DNAAF9: variants seen among roughly 807,000 people sequenced by gnomAD.
DNAAF9 encodes shulin.
In DNAAF9, 90 loss-of-function variants were observed where a neutral mutation model predicts 167.0. The ratio of observed to expected loss-of-function variants is 0.54; its 90% CI spans 0.45 to 0.64. The LOEUF (loss-of-function observed/expected upper bound fraction) is 0.64. Among genes scored for constraint, DNAAF9 ranks in the 30% least tolerant of loss-of-function variants. The pLI, the probability that DNAAF9 is intolerant of heterozygous loss-of-function variation, is 0.00. For synonymous variants in DNAAF9, 491 were observed against 508.8 expected (o/e 0.96, Z 0.47); for missense variants, 1,315 against 1,442.2 (o/e 0.91, Z 1.43).
chr20:3,298,754 A>C (rs2069128329), intron 21 of DNAAF9, among the ~76,000 whole-genome samples: 2 of 152,198 alleles, frequency 1.3e-5, no homozygotes, highest in South Asian at 4.1e-4. Context: ...GTCCTTTAAC[A>C]CACAGAAGTT....
rs1432474614 is a variant in DNAAF9 at position 3,326,321 on chromosome 20, T to C, written c.1101-37A>G. The C allele has an allele frequency of 2.1e-6, 3 of 1,395,370 alleles. 1 individual carries two copies. Among genetic ancestry groups the C allele is most frequent in the African/African-American group, 1.4e-5 (1 of 70,442 alleles). 86.4% of individuals were successfully genotyped at this position (1,395,370 alleles called of 1,614,324 possible). On this transcript the variant is annotated intron_variant, in intron 12 of 36. Coordinates refer to ENST00000252032, the MANE Select transcript of DNAAF9 (RefSeq NM_001009984.3). The stretch of plus-strand genomic sequence containing the variant: ...AAAAATAATGGTTAACATTACAGCA[T>C]CATGAGGTTTTTGTCAAAAGATGCA...
At chr20:3,406,153 G>A (rs1443025610) in intron 1 of DNAAF9, among the ~76,000 whole-genome samples, 1 of 152,176 alleles carries the variant, frequency 6.6e-6, no homozygotes, top group Non-Finnish European at 1.5e-5. Flanking sequence ...ATTCTGGGTT[G>A]TGGAAAGGAA....
intron 6 of DNAAF9, among the ~76,000 whole-genome samples, chr20:3,365,633 C>T (rs924306067): frequency 5.9e-5 from 9 of 152,154 alleles, no homozygotes; most frequent in African/African-American, 2.2e-4. Flanking sequence ...CTCAGGTGAT[C>T]CGCCCACCTT....
Position 3,259,996 on chromosome 20 carries a change from T to G in DNAAF9, c.2906A>C (p.Tyr969Ser), listed in dbSNP as rs1335606016. The G allele has an allele frequency of 2.5e-6, 4 of 1,612,214 alleles. No homozygotes were observed. Among genetic ancestry groups the G allele is most frequent in the Non-Finnish European group, 2.5e-6 (3 of 1,178,250 alleles). The change falls in exon 32 of 37, where the codon TAT becomes TCT. Residue 969 changes from tyrosine (Y) to serine (S), a missense_variant. Physicochemically the swap from Tyr to Ser is moderately radical, Grantham distance 144. Coordinates refer to ENST00000252032, the MANE Select transcript of DNAAF9 (RefSeq NM_001009984.3). ...YEGKLNAGSV[Y>S]PLMVQICVWF... The stretch of plus-strand genomic sequence containing the variant: ...TACGCAGATCTGAACCATTAGGGGA[T>G]AGACTGATCCAGCATTCAATTTACC...
chr20:3,402,644 C>A (rs188699046), intron 1 of DNAAF9, among the ~76,000 whole-genome samples: 2 of 151,848 alleles, frequency 1.3e-5, no homozygotes, highest in African/African-American at 4.8e-5. Context: ...GTGGCATGAA[C>A]GCAGCTCGCT....
intron 33 of DNAAF9, among the ~76,000 whole-genome samples, chr20:3,257,883 C>T (rs1476007947): frequency 6.6e-6 from 1 of 152,148 alleles, no homozygotes. Context: ...GTGTCCGCCA[C>T]CACACCCAGC....
chr20:3,393,489 G>A (rs1429796089), intron 1 of DNAAF9, among the ~76,000 whole-genome samples: 1 of 152,082 alleles, frequency 6.6e-6, no homozygotes, highest in African/African-American at 2.4e-5. Flanking sequence ...TCCAGCCTGG[G>A]CAACAGAATG....
chr20:3,276,432 C>T (rs979024653), intron 29 of DNAAF9, among the ~76,000 whole-genome samples: 1 of 152,214 alleles, frequency 6.6e-6, no homozygotes, highest in Non-Finnish European at 1.5e-5. Flanking sequence ...TAGCTCTACA[C>T]AAGCACAGAG....
chr20:3,304,845 T>C (rs1384574820), intron 20 of DNAAF9, among the ~76,000 whole-genome samples: 1 of 152,174 alleles, frequency 6.6e-6, no homozygotes, highest in African/African-American at 2.4e-5. Flanking sequence ...GGAAACACAC[T>C]AAAAAAGACT....
chr20:3,305,669 G>C (rs2069277414), intron 20 of DNAAF9, among the ~76,000 whole-genome samples: 1 of 152,184 alleles, frequency 6.6e-6, no homozygotes, highest in South Asian at 2.1e-4. Flanking sequence ...GGTTTCAGAA[G>C]GAAGGGAGGG....
chr20:3,264,824 TC>T (rs2068458088), intron 30 of DNAAF9, among the ~76,000 whole-genome samples: 1 of 152,186 alleles, frequency 6.6e-6, no homozygotes, highest in Admixed American at 6.5e-5. Flanking sequence ...TGCCTCGGCC[TC>T]CCAAAGTGTT....
At chr20:3,261,511 G>A (rs941957421) in intron 31 of DNAAF9, among the ~76,000 whole-genome samples, 1 of 151,386 alleles carries the variant, frequency 6.6e-6, no homozygotes, top group Non-Finnish European at 1.5e-5. Flanking sequence ...GGGATTACAG[G>A]TGCCCACCAC....
At chr20:3,323,343 G>A (rs1285122779) in intron 14 of DNAAF9, among the ~76,000 whole-genome samples, 4 of 140,830 alleles carry the variant, frequency 2.8e-5, no homozygotes, top group Non-Finnish European at 3.0e-5. Context: ...GTGCAGTGGC[G>A]CAATCTCGAC....
At chr20:3,283,290 T>C (rs951779988) in intron 27 of DNAAF9, among the ~76,000 whole-genome samples, 6 of 152,256 alleles carry the variant, frequency 3.9e-5, no homozygotes, top group Admixed American at 1.3e-4. Flanking sequence ...ACAGCCTGCT[T>C]GAGTTGTTCT....
At chr20:3,363,729 T>A (rs2083395402) in intron 6 of DNAAF9, among the ~76,000 whole-genome samples, 1 of 152,028 alleles carries the variant, frequency 6.6e-6, no homozygotes, top group African/African-American at 2.4e-5. Context: ...ACATAAAATG[T>A]CTTTATTCTG....
intron 12 of DNAAF9, among the ~76,000 whole-genome samples, chr20:3,327,240 C>T (rs1408705816): frequency 6.6e-6 from 1 of 152,120 alleles, no homozygotes; most frequent in Non-Finnish European, 1.5e-5. Context: ...GGGGTTTGTC[C>T]TGTGCATTGT....
intron 30 of DNAAF9, among the ~76,000 whole-genome samples, chr20:3,269,984 T>C (rs2068563878): frequency 6.6e-6 from 1 of 150,382 alleles, no homozygotes; most frequent in Admixed American, 6.6e-5. Context: ...CTTCAAAAAC[T>C]GTTTTTTTTC....
rs545425897 is a variant in DNAAF9, at chr20:3,326,374, C to G, written c.1101-90G>C. The G allele has an allele frequency of 3.0e-4, 265 of 881,732 alleles. No individual in the cohort carries two copies. The East Asian group carries it at 6.4e-3, about 21-fold the overall frequency. 54.6% of individuals were successfully genotyped at this position (881,732 alleles called of 1,614,324 possible). A position where few individuals can be genotyped will look rare whatever the true frequency, so the allele number is the denominator to read the frequency against. On this transcript the variant is annotated intron_variant, in intron 12 of 36. Coordinates refer to ENST00000252032, the MANE Select transcript of DNAAF9 (RefSeq NM_001009984.3). ...CACATAAATGACAGCCCCTAAGAAA[C>G]TGATTTTTAAACAGAATGAAAAAAG... is the stretch of plus-strand genomic sequence containing the variant.
At chr20:3,370,853 A>G (rs1438739726) in intron 6 of DNAAF9, among the ~76,000 whole-genome samples, 1 of 152,114 alleles carries the variant, frequency 6.6e-6, no homozygotes, top group Admixed American at 6.6e-5. Flanking sequence ...CAGTTTTTTT[A>G]CAAAACCTCC....
Sources: gnomAD v4.1 joint callset for allele counts (sites outside exome capture counted in the v4.1 genomes callset) on GRCh38, gnomAD v4.1.1 for gene constraint, MANE v1.5 for transcripts, NCBI Gene and HGNC (gene_info 2026-07-23, HGNC 2026-07-21) for gene names.